Variants in WDR64 observed in about 807,000 individuals in gnomAD.
The protein encoded by WDR64 is WD repeat domain 64.
WDR64 carries 112 observed loss-of-function variants against 139.3 expected under a neutral mutation model. The ratio of observed to expected loss-of-function variants is 0.80; its 90% confidence interval spans 0.69 to 0.94. The LOEUF is 0.94. Ranked by LOEUF, WDR64 falls within the 40% of genes least tolerant of loss-of-function variation. The pLI is 0.00. For synonymous variants in WDR64, 444 were observed against 437.7 expected (o/e 1.01, Z -0.18); for missense variants, 1,206 against 1,293.1 (o/e 0.93, Z 1.03).
At chr1:241,721,312 T>C (rs911104084) in intron 9 of WDR64, among the ~76,000 whole-genome samples, 1 of 152,190 alleles carries the variant, frequency 6.6e-6, no homozygotes, top group African/African-American at 2.4e-5. Flanking sequence ...TTTAAAATAG[T>C]TTCTTCTAAT....
intron 27 of WDR64, among the ~76,000 whole-genome samples, chr1:241,797,136 T>G (rs1659391091): frequency 6.6e-6 from 1 of 152,210 alleles, no homozygotes; most frequent in East Asian, 1.9e-4. Flanking sequence ...TGCAGTGATT[T>G]TATAAATGAT....
Position 241,801,205 on chromosome 1 carries a change from T to C in WDR64, c.3266T>C (p.Ile1089Thr), listed in dbSNP as rs773099845. ...INLASSFFPA[I>T]PK ...CTGGCTTCTTCCTTCTTCCCAGCTA[T>C]ACCCAAGTAAGGAGAAAAAATCAGA... is the stretch of plus-strand genomic sequence containing the variant. The change falls in exon 28 of 28, where the codon ATA becomes ACA. Residue 1089 changes from isoleucine to threonine, a missense_variant. Ile to Thr is a moderately conservative substitution (Grantham distance 89, BLOSUM62 -1). Transcript: ENST00000437684. 2.5e-6 allele frequency: 4 copies of C among 1,613,624 alleles called. No homozygotes were observed. Among genetic ancestry groups the C allele is most frequent in the East Asian group, 2.2e-5 (1 of 44,862 alleles).
chr1:241,658,468 T>C (rs1367531628), intron 1 of WDR64, among the ~76,000 whole-genome samples: 3 of 151,824 alleles, frequency 2.0e-5, no homozygotes, highest in Non-Finnish European at 4.4e-5. Flanking sequence ...AGTGAGACCC[T>C]GTCTCTGCAA....
chr1:241,659,681 T>C (rs1665747322), intron 1 of WDR64, among the ~76,000 whole-genome samples: 2 of 152,204 alleles, frequency 1.3e-5, no homozygotes, highest in South Asian at 4.1e-4. Flanking sequence ...CTTTTTTTCA[T>C]ATATTTGTTG....
intron 8 of WDR64, among the ~76,000 whole-genome samples, chr1:241,691,444 A>G (rs1667276849): frequency 6.6e-6 from 1 of 152,202 alleles, no homozygotes; most frequent in Non-Finnish European, 1.5e-5. Flanking sequence ...ATAATGGCAC[A>G]TATAGATTAA....
chr1:241,796,694 T>C (rs1558528871), intron 27 of WDR64, among the ~76,000 whole-genome samples: 1 of 152,078 alleles, frequency 6.6e-6, no homozygotes, highest in South Asian at 2.1e-4. Context: ...GGGTTTCGCC[T>C]TGTTGGCCAG....
Position 241,733,173 on chromosome 1 carries a change from T to A in WDR64, c.1195-5190T>A, listed in dbSNP as rs1016083065. 2.4e-4 allele frequency among the ~76,000 whole-genome samples: 37 copies of A among 152,086 alleles called. 2 individuals are homozygous for A. The highest frequency in any genetic ancestry group is 8.8e-5 in the Non-Finnish European group (6 of 68,020). ...TCCCTCCATCTCACTCCATTCCCAA[T>A]TTATCTGAAAATCATTATTGGCCAG... On this transcript the variant is annotated intron_variant, in intron 10 of 27. Coordinates refer to ENST00000437684, the MANE Select transcript of WDR64 (RefSeq NM_001367482.1).
chr1:241,682,659 G>T (rs1666853622), intron 6 of WDR64, among the ~76,000 whole-genome samples: 1 of 152,082 alleles, frequency 6.6e-6, no homozygotes, highest in Non-Finnish European at 1.5e-5. Context: ...CTAGTTCAGT[G>T]AAGAATGATT....
chr1:241,704,284 T>C (rs1362884202), intron 8 of WDR64, among the ~76,000 whole-genome samples: 1 of 152,214 alleles, frequency 6.6e-6, no homozygotes, highest in Non-Finnish European at 1.5e-5. Context: ...ACCAAACTGA[T>C]ATCTCAATGC....
chr1:241,763,016 T>G lies in WDR64; in HGVS notation c.1948-3202T>G, dbSNP rs144908408. Among the ~76,000 whole-genome samples the G allele has an allele frequency of 1.8e-4, 28 of 152,334 alleles. No individual in the cohort carries two copies. The East Asian group carries it at 5.0e-3, about 27-fold the overall frequency. Reference sequence around the variant, plus strand: ...GTCATAATAACGTTATCATGTAATATGCACAAAAGACAGAACAAAATGCAT... The same window carrying G: ...GTCATAATAACGTTATCATGTAATAGGCACAAAAGACAGAACAAAATGCAT... On this transcript the variant is annotated intron_variant, in intron 15 of 27. Coordinates refer to ENST00000437684, the MANE Select transcript of WDR64 (RefSeq NM_001367482.1).
chr1:241,773,430 T>C (rs901991443), intron 20 of WDR64, among the ~76,000 whole-genome samples: 1 of 152,194 alleles, frequency 6.6e-6, no homozygotes, highest in Non-Finnish European at 1.5e-5. Flanking sequence ...TTGAGCCTGC[T>C]TATAATTCTT....
chr1:241,747,233 G>A (rs938289065), intron 13 of WDR64, among the ~76,000 whole-genome samples: 6 of 152,184 alleles, frequency 3.9e-5, no homozygotes, highest in African/African-American at 1.4e-4. Flanking sequence ...TATATTGGTT[G>A]TGCAAATTTA....
chr1:241,652,424 T>C lies in WDR64; in HGVS notation c.-61T>C. The C allele has an allele frequency of 2.0e-6, 3 of 1,506,252 alleles. No individual in the cohort carries two copies. The highest frequency in any genetic ancestry group is 2.7e-6 in the Non-Finnish European group (3 of 1,123,674). 93.3% of individuals were successfully genotyped at this position (1,506,252 alleles called of 1,614,324 possible). A position where few individuals can be genotyped will look rare whatever the true frequency, so the allele number is the denominator to read the frequency against. Reference sequence around the variant, plus strand: ...AGGCACTGTAACAACTGGAAAGTTTTCCAAATTGGTAAACTTGCAGTATTC... The same window carrying C: ...AGGCACTGTAACAACTGGAAAGTTTCCCAAATTGGTAAACTTGCAGTATTC... On this transcript the variant is annotated 5_prime_UTR_variant, in exon 1 of 28. Transcript: ENST00000437684.
At chr1:241,702,613 G>A (rs1158148696) in intron 8 of WDR64, among the ~76,000 whole-genome samples, 8 of 152,226 alleles carry the variant, frequency 5.3e-5, no homozygotes, top group Non-Finnish European at 1.2e-4. Flanking sequence ...TCCTGTTCCT[G>A]CATCTAGAGC....
chr1:241,752,747 G>A (rs1163843519), intron 14 of WDR64, among the ~76,000 whole-genome samples: 2 of 152,110 alleles, frequency 1.3e-5, no homozygotes, highest in South Asian at 2.1e-4. Context: ...GCTACTTGGG[G>A]AGCTGAGGTG....
intron 15 of WDR64, 51 bp from the exon 16 acceptor site, chr1:241,766,167 C>G (rs747679842): frequency 6.4e-7 from 1 of 1,573,450 alleles, no homozygotes; most frequent in East Asian, 2.3e-5. Context: ...GCGTTTGCAC[C>G]GCGAATCATG....
intron 15 of WDR64, among the ~76,000 whole-genome samples, chr1:241,759,434 A>G (rs1260859204): frequency 6.6e-6 from 1 of 152,196 alleles, no homozygotes; most frequent in Non-Finnish European, 1.5e-5. Flanking sequence ...TTACAAAACA[A>G]GTTCTATTCT....
intron 2 of WDR64, among the ~76,000 whole-genome samples, chr1:241,664,795 T>C (rs934489864): frequency 8.5e-5 from 13 of 152,210 alleles, no homozygotes; most frequent in Admixed American, 1.3e-4. Flanking sequence ...ATGATAAAGA[T>C]GAGAAAAATC....
chr1:241,763,775 T>A (rs1658026494), intron 15 of WDR64, among the ~76,000 whole-genome samples: 1 of 152,066 alleles, frequency 6.6e-6, no homozygotes, highest in South Asian at 2.1e-4. Context: ...CCTAAAACTC[T>A]TTTATTTAGA....
Sources: gnomAD v4.1 joint callset for allele counts (sites outside exome capture counted in the v4.1 genomes callset) on GRCh38, gnomAD v4.1.1 for gene constraint, MANE v1.5 for transcripts, NCBI Gene and HGNC (gene_info 2026-07-23, HGNC 2026-07-21) for gene names.